Variants in ABCA12 observed in about 807,000 individuals in gnomAD.
ABCA12 encodes the protein ATP binding cassette subfamily A member 12.
Under a neutral mutation model 293.5 loss-of-function variants are expected in ABCA12, and 156 were observed. The ratio of observed to expected loss-of-function variants is 0.53; its 90% CI spans 0.47 to 0.61. The LOEUF (loss-of-function observed/expected upper bound fraction) is 0.61, where lower values mean the gene tolerates loss of function less well. Among genes scored for constraint, ABCA12 ranks in the 20% least tolerant of loss-of-function variants. The pLI is 0.00. For missense variants in ABCA12, 2,797 were observed against 3,090.2 expected (o/e 0.91, Z 2.25); for synonymous variants, 1,063 against 1,108.0 (o/e 0.96, Z 0.81).
chr2:215,074,758 A>G (rs1701802148), intron 2 of ABCA12, among the ~76,000 whole-genome samples: 2 of 152,130 alleles, frequency 1.3e-5, no homozygotes, highest in Admixed American at 6.6e-5. Flanking sequence ...CCTGGTCAAC[A>G]TGGTAAAGCC....
At chr2:215,134,553 T>TATACGCATATATGCACATATATGC (rs369554870) in intron 1 of ABCA12, among the ~76,000 whole-genome samples, 2 of 111,836 alleles carry the variant, frequency 1.8e-5, no homozygotes, top group Non-Finnish European at 2.0e-5. Context: ...TATACGTATA[T>TATACGCATATATGCACATATATGC]GTATATATGT....
chr2:215,049,278 A>C (rs1701269102), intron 6 of ABCA12, among the ~76,000 whole-genome samples: 1 of 152,206 alleles, frequency 6.6e-6, no homozygotes, highest in Non-Finnish European at 1.5e-5. Context: ...TATGACTGTG[A>C]CAGTTTAATT....
At chr2:215,102,028 C>CAT (rs1553545034) in intron 2 of ABCA12, among the ~76,000 whole-genome samples, 1 of 149,988 alleles carries the variant, frequency 6.7e-6, no homozygotes, top group African/African-American at 2.4e-5. Context: ...TGTTTGTACA[C>CAT]GTGTGTGTGT....
chr2:215,079,517 G>T (rs1012181160), intron 2 of ABCA12, among the ~76,000 whole-genome samples: 1 of 152,196 alleles, frequency 6.6e-6, no homozygotes, highest in Non-Finnish European at 1.5e-5. Flanking sequence ...ATCAGAACTG[G>T]TATAAGTTTA....
chr2:214,984,439 C>T (rs1296608363), intron 28 of ABCA12, among the ~76,000 whole-genome samples: 1 of 152,136 alleles, frequency 6.6e-6, no homozygotes, highest in Admixed American at 6.5e-5. Flanking sequence ...CCTCCTTGAG[C>T]ATACCCATGC....
Position 214,978,339 on chromosome 2 carries a change from C to T in ABCA12, c.5105G>A (p.Ser1702Asn), listed in dbSNP as rs1422555023. The part of the protein sequence containing the change: ...ISTPDDLSVS[S>N]SNFTDRDDKI... The stretch of plus-strand genomic sequence containing the variant: ...ACCATCTCTGTCTGTGAAATTGCTG[C>T]TGCTCACAGATAAATCGTCAGGAGT... The change falls in exon 33 of 53, where the codon AGC becomes AAC. Residue 1702 changes from serine to asparagine, a missense_variant. This residue lies in a region of ABCA12 where 2,130 missense variants were observed against 2,427.0 expected (regional missense o/e 0.88). Coordinates refer to ENST00000272895, the MANE Select transcript of ABCA12 (RefSeq NM_173076.3). 6.2e-7 allele frequency: 1 copy of T among 1,613,924 alleles called. No homozygotes were observed. The highest frequency in any genetic ancestry group is 8.5e-7 in the Non-Finnish European group (1 of 1,179,968).
At chr2:214,955,808 G>C (rs915513652) in intron 42 of ABCA12, among the ~76,000 whole-genome samples, 1 of 152,048 alleles carries the variant, frequency 6.6e-6, no homozygotes, top group Non-Finnish European at 1.5e-5. Flanking sequence ...AAAATCCAAA[G>C]AGTTTTTTTT....
intron 3 of ABCA12, among the ~76,000 whole-genome samples, chr2:215,059,881 C>G (rs1212055838): frequency 6.6e-6 from 1 of 152,040 alleles, no homozygotes; most frequent in Non-Finnish European, 1.5e-5. Flanking sequence ...GCAACTGCCT[C>G]TATTTTTCCC....
chr2:215,034,012 C>T (rs573573045), intron 8 of ABCA12, among the ~76,000 whole-genome samples: 2 of 152,184 alleles, frequency 1.3e-5, no homozygotes, highest in Admixed American at 1.3e-4. Flanking sequence ...ATTGTATTCA[C>T]AGACACAGAA....
intron 2 of ABCA12, among the ~76,000 whole-genome samples, chr2:215,087,608 C>G (rs148893244): frequency 2.0e-5 from 3 of 151,812 alleles, no homozygotes; most frequent in Non-Finnish European, 4.4e-5. Flanking sequence ...ATTCTTCTTA[C>G]GCTAATAGAG....
At chr2:215,049,389 G>A (rs577769163) in intron 6 of ABCA12, among the ~76,000 whole-genome samples, 1 of 152,146 alleles carries the variant, frequency 6.6e-6, no homozygotes, top group South Asian at 2.1e-4. Flanking sequence ...TATTTATAAA[G>A]GTGTGTCCAC....
intron 4 of ABCA12, among the ~76,000 whole-genome samples, chr2:215,054,120 T>C (rs917380376): frequency 4.6e-5 from 7 of 152,072 alleles, no homozygotes; most frequent in Non-Finnish European, 1.0e-4. Context: ...GGCCTGGAAG[T>C]CCTTCTAATG....
At chr2:214,979,997 T>C (rs1699611465) in intron 31 of ABCA12, among the ~76,000 whole-genome samples, 1 of 152,198 alleles carries the variant, frequency 6.6e-6, no homozygotes, top group Non-Finnish European at 1.5e-5. Context: ...CAAATTACAG[T>C]CCCTGCACTG....
intron 36 of ABCA12, among the ~76,000 whole-genome samples, chr2:214,972,003 A>G (rs1699396120): frequency 6.6e-6 from 1 of 152,036 alleles, no homozygotes. Context: ...GTCCCTGATG[A>G]CTACCTTTTT....
intron 1 of ABCA12, among the ~76,000 whole-genome samples, chr2:215,115,566 C>T (rs1489292159): frequency 6.6e-6 from 1 of 152,188 alleles, no homozygotes; most frequent in Admixed American, 6.5e-5. Context: ...AATTATTTCA[C>T]ACTGTCTCTA....
chr2:215,125,211 T>C (rs1013749010), intron 1 of ABCA12, among the ~76,000 whole-genome samples: 3 of 152,338 alleles, frequency 2.0e-5, no homozygotes, highest in Middle Eastern at 3.4e-3. Flanking sequence ...TATGGCCTTA[T>C]AGTAGAGCTT....
At chr2:215,014,913 G>A (rs948077495) in intron 15 of ABCA12, among the ~76,000 whole-genome samples, 11 of 151,684 alleles carry the variant, frequency 7.3e-5, no homozygotes, top group Non-Finnish European at 1.0e-4. Context: ...TTTTTCTTTC[G>A]GTTATTTAGT....
intron 29 of ABCA12, among the ~76,000 whole-genome samples, chr2:214,983,079 G>A (rs1699704614): frequency 6.6e-6 from 1 of 152,146 alleles, no homozygotes. Flanking sequence ...GCTGGAGCAG[G>A]CCTAGGACAG....
intron 1 of ABCA12, among the ~76,000 whole-genome samples, chr2:215,120,560 C>A (rs967083854): frequency 1.3e-5 from 2 of 151,992 alleles, no homozygotes; most frequent in African/African-American, 4.8e-5. Context: ...AAGTGGGAGT[C>A]TGTAGAGCAG....
Sources: allele counts gnomAD v4.1 joint callset (sites outside exome capture counted in the v4.1 genomes callset), GRCh38; gene constraint gnomAD v4.1.1; regional missense constraint gnomAD v4.1.1; transcripts MANE v1.5; gene names NCBI Gene and HGNC (gene_info 2026-07-23, HGNC 2026-07-21).